ATRNL1: variants seen among roughly 807,000 people sequenced by gnomAD.
ATRNL1 encodes the protein attractin like 1, also known as attractin-like protein 1.
In ATRNL1, 95 loss-of-function variants were observed where a neutral mutation model predicts 182.7. That is an observed-to-expected ratio of 0.52 (90% CI 0.44 to 0.62). The LOEUF (loss-of-function observed/expected upper bound fraction) is 0.62, where lower values mean the gene tolerates loss of function less well. Ranked by LOEUF, ATRNL1 falls within the 20% of genes least tolerant of loss-of-function variation. The pLI is 0.00. For missense variants in ATRNL1, 1,471 were observed against 1,679.5 expected (o/e 0.88, Z 2.17); for synonymous variants, 576 against 568.3 (o/e 1.01, Z -0.19).
At chr10:115,367,685 A>T (rs372227873) in intron 19 of ATRNL1, among the ~76,000 whole-genome samples, 16 of 127,308 alleles carry the variant, frequency 1.3e-4, no homozygotes, top group African/African-American at 4.2e-4. Context: ...GGTGATGTAC[A>T]TATGGGTTTT....
chr10:115,493,341 C>T (rs948277405), intron 24 of ATRNL1, among the ~76,000 whole-genome samples: 10 of 152,066 alleles, frequency 6.6e-5, no homozygotes, highest in African/African-American at 2.4e-4. Context: ...TGTTTAGCAC[C>T]TTCTCATAAG....
intron 21 of ATRNL1, among the ~76,000 whole-genome samples, chr10:115,434,104 C>T (rs1846291697): frequency 6.6e-6 from 1 of 152,102 alleles, no homozygotes; most frequent in East Asian, 1.9e-4. Context: ...AAGGGACTGC[C>T]TGCCTTCTAA....
intron 26 of ATRNL1, among the ~76,000 whole-genome samples, chr10:115,664,516 T>C (rs1555039100): frequency 6.6e-6 from 1 of 152,176 alleles, no homozygotes; most frequent in African/African-American, 2.4e-5. Context: ...ATTAAATATA[T>C]GTCCTATCAC....
intron 24 of ATRNL1, among the ~76,000 whole-genome samples, chr10:115,517,116 C>G (rs562668960): frequency 7.9e-4 from 120 of 152,038 alleles, no homozygotes; most frequent in African/African-American, 2.6e-3. Context: ...AATTTTGTGT[C>G]TCTTTGATCA....
intron 26 of ATRNL1, among the ~76,000 whole-genome samples, chr10:115,650,631 A>G (rs1859927923): frequency 1.3e-5 from 2 of 152,038 alleles, no homozygotes; most frequent in South Asian, 4.1e-4. Context: ...GAAACTAGAG[A>G]GGAAGGGGAT....
intron 26 of ATRNL1, among the ~76,000 whole-genome samples, chr10:115,682,354 C>T (rs781919859): frequency 6.6e-6 from 1 of 152,190 alleles, no homozygotes. Flanking sequence ...GCCTGGCCAA[C>T]ATGGTGAACC....
chr10:115,326,936 A>G (rs1854924248), intron 18 of ATRNL1, among the ~76,000 whole-genome samples: 1 of 152,240 alleles, frequency 6.6e-6, no homozygotes, highest in Non-Finnish European at 1.5e-5. Flanking sequence ...AATCAATTGA[A>G]GATGGATTAA....
At chr10:115,286,419 A>C (rs1222998791) in intron 15 of ATRNL1, 22 bp downstream of exon 15, 1 of 1,392,404 alleles carries the variant, frequency 7.2e-7, no homozygotes, top group African/African-American at 1.5e-5. Context: ...ACTTGTTTAC[A>C]TTATGGAAAT....
intron 25 of ATRNL1, among the ~76,000 whole-genome samples, chr10:115,533,646 G>A (rs1592803323): frequency 6.6e-6 from 1 of 151,634 alleles, no homozygotes; most frequent in Admixed American, 6.6e-5. Flanking sequence ...CTTCTGCTAG[G>A]TTTTGAATGT....
intron 8 of ATRNL1, among the ~76,000 whole-genome samples, chr10:115,212,985 C>G (rs1554895369): frequency 6.6e-6 from 1 of 151,776 alleles, no homozygotes; most frequent in African/African-American, 2.4e-5. Flanking sequence ...CACTTGTACC[C>G]CAAAACTTAT....
At chr10:115,502,296 C>G (rs546459247) in intron 24 of ATRNL1, among the ~76,000 whole-genome samples, 1 of 151,424 alleles carries the variant, frequency 6.6e-6, no homozygotes, top group African/African-American at 2.4e-5. Context: ...CTCTAGGGAC[C>G]CTAATATCTT....
intron 26 of ATRNL1, among the ~76,000 whole-genome samples, chr10:115,683,548 G>GTTT (rs59383182): frequency 0.043 from 4,742 of 110,790 alleles, 392 homozygotes; most frequent in African/African-American, 0.073. Context: ...GAGAACTAGC[G>GTTT]TTTTTTTTTT....
chr10:115,140,002 A>C (rs1554877673), intron 5 of ATRNL1, among the ~76,000 whole-genome samples: 1 of 152,206 alleles, frequency 6.6e-6, no homozygotes, highest in Non-Finnish European at 1.5e-5. Context: ...AGCCAATGGA[A>C]AGTTTGAGTA....
chr10:115,383,763 A>G (rs1280992778), intron 19 of ATRNL1, among the ~76,000 whole-genome samples: 1 of 150,786 alleles, frequency 6.6e-6, no homozygotes, highest in Non-Finnish European at 1.5e-5. Flanking sequence ...CTACTTTACA[A>G]ATTAAGATAA....
intron 28 of ATRNL1, among the ~76,000 whole-genome samples, chr10:115,936,163 A>G (rs772730237): frequency 3.7e-4 from 56 of 152,318 alleles, no homozygotes; most frequent in Non-Finnish European, 6.0e-4. Context: ...AGTTTTGTCT[A>G]CTATTTCCTA....
rs567533129 is a variant in ATRNL1 at position 115,133,773 on chromosome 10, C to T, written c.829+4238C>T. ...TTCTCAGCACCACATTGCACTTATT[C>T]CAAAATTGACCACATAGTTGGAAGT... On this transcript the variant is annotated intron_variant, in intron 5 of 28. Transcript: ENST00000355044. Among the ~76,000 whole-genome samples, 4 of 152,284 alleles carry T rather than the reference C, an allele frequency of 2.6e-5. No homozygotes were observed. The South Asian group carries it at 8.3e-4, about 32-fold the overall frequency.
intron 26 of ATRNL1, among the ~76,000 whole-genome samples, chr10:115,623,667 G>A (rs1555023778): frequency 6.6e-6 from 1 of 151,466 alleles, no homozygotes; most frequent in Non-Finnish European, 1.5e-5. Flanking sequence ...AAATAGTGGG[G>A]GTAAACAAAT....
intron 28 of ATRNL1, among the ~76,000 whole-genome samples, chr10:115,885,528 A>G (rs1190451902): frequency 1.3e-5 from 2 of 152,264 alleles, no homozygotes; most frequent in Admixed American, 6.5e-5. Flanking sequence ...TTAAAAAAAT[A>G]ATGTTTTCAT....
At chr10:115,434,071 G>A (rs1846289966) in intron 21 of ATRNL1, among the ~76,000 whole-genome samples, 1 of 152,072 alleles carries the variant, frequency 6.6e-6, no homozygotes, top group African/African-American at 2.4e-5. Flanking sequence ...TTATTTGTGT[G>A]TAAAATGTTG....
Sources: gnomAD v4.1 joint callset for allele counts (sites outside exome capture counted in the v4.1 genomes callset) on GRCh38, gnomAD v4.1.1 for gene constraint, MANE v1.5 for transcripts, NCBI Gene and HGNC (gene_info 2026-07-23, HGNC 2026-07-21) for gene names.